The following DLG2 variants were observed in gnomAD, a reference collection of about 807,000 sequenced individuals.
DLG2 encodes disks large homolog 2.
In DLG2, 45 loss-of-function variants were observed where a neutral mutation model predicts 132.5. The ratio of observed to expected loss-of-function variants is 0.34; its 90% CI spans 0.27 to 0.44. The LOEUF (loss-of-function observed/expected upper bound fraction) is 0.44, where lower values mean the gene tolerates loss of function less well. Among genes scored for constraint, DLG2 ranks in the 20% least tolerant of loss-of-function variants. The probability of loss-of-function intolerance (pLI) is 1.00; values close to 1 mark genes in which losing one functional copy is unlikely to be tolerated. For missense variants in DLG2, 1,045 were observed against 1,196.9 expected (o/e 0.87, Z 1.87); for synonymous variants, 424 against 419.6 (o/e 1.01, Z -0.13).
Position 83,665,786 on chromosome 11 carries a change from T to A in DLG2, c.1826-32461A>T, listed in dbSNP as rs984707967. Among the ~76,000 whole-genome samples, 5 of 152,256 alleles carry A rather than the reference T, an allele frequency of 3.3e-5. No individual in the cohort carries two copies. In the East Asian group the frequency reaches 9.6e-4, roughly 29 times the overall value. ...TAATTTCTACTACCACTTTGGAGAT[T>A]CTTGAGATTTTTTTTTTTAGAGAAC... On this transcript the variant is annotated intron_variant, in intron 18 of 27. Coordinates refer to ENST00000376104, the MANE Select transcript of DLG2 (RefSeq NM_001142699.3).
At chr11:84,180,920 A>C (rs1485006419) in intron 8 of DLG2, among the ~76,000 whole-genome samples, 21 of 152,114 alleles carry the variant, frequency 1.4e-4, no homozygotes, top group Admixed American at 1.4e-3. Context: ...TATTGCAGTA[A>C]GTACTTCGGA....
intron 6 of DLG2, among the ~76,000 whole-genome samples, chr11:84,675,278 A>G (rs1192638348): frequency 1.3e-5 from 2 of 151,998 alleles, no homozygotes; most frequent in Non-Finnish European, 2.9e-5. Context: ...TCAGATAAAA[A>G]CCTAAAATAA....
chr11:84,447,360 C>A (rs1458210550), intron 7 of DLG2, among the ~76,000 whole-genome samples: 1 of 151,996 alleles, frequency 6.6e-6, no homozygotes, highest in Non-Finnish European at 1.5e-5. Context: ...TTAAGGAAGA[C>A]AAAATCACAA....
chr11:84,409,553 A>T (rs747616484), intron 7 of DLG2, among the ~76,000 whole-genome samples: 58 of 152,250 alleles, frequency 3.8e-4, no homozygotes, highest in Non-Finnish European at 7.6e-4. Context: ...ACCACACTTA[A>T]TACTTACAAC....
intron 4 of DLG2, among the ~76,000 whole-genome samples, chr11:85,213,133 A>G (rs1220568587): frequency 6.6e-6 from 1 of 152,182 alleles, no homozygotes; most frequent in Non-Finnish European, 1.5e-5. Context: ...ATTTGCCATA[A>G]TGATTCCAAA....
At chr11:84,613,574 C>G (rs2099599079) in intron 6 of DLG2, among the ~76,000 whole-genome samples, 1 of 152,098 alleles carries the variant, frequency 6.6e-6, no homozygotes, top group Non-Finnish European at 1.5e-5. Context: ...TCATGGTGCC[C>G]TGCACATAGT....
chr11:85,155,092 A>T (rs1407853032), intron 4 of DLG2, among the ~76,000 whole-genome samples: 2 of 152,216 alleles, frequency 1.3e-5, no homozygotes. Context: ...TTTTATAACT[A>T]CAGCTTTAGA....
chr11:83,758,230 C>A (rs1463187906), intron 18 of DLG2, among the ~76,000 whole-genome samples: 2 of 152,094 alleles, frequency 1.3e-5, no homozygotes, highest in African/African-American at 4.8e-5. Context: ...TGGTTAGTCT[C>A]CCATTCATTT....
chr11:84,124,681 G>A (rs1270544807), intron 9 of DLG2, among the ~76,000 whole-genome samples: 1 of 151,862 alleles, frequency 6.6e-6, no homozygotes, highest in Non-Finnish European at 1.5e-5. Context: ...CCATAATCAG[G>A]GACCTCTTTG....
chr11:84,515,999 A>G (rs2099271632), intron 7 of DLG2, among the ~76,000 whole-genome samples: 1 of 151,894 alleles, frequency 6.6e-6, no homozygotes, highest in South Asian at 2.1e-4. Context: ...TGAGTTAATT[A>G]AAAAATTAAA....
At chr11:85,403,768 G>A (rs2088441604) in intron 3 of DLG2, among the ~76,000 whole-genome samples, 1 of 151,972 alleles carries the variant, frequency 6.6e-6, no homozygotes, top group Non-Finnish European at 1.5e-5. Flanking sequence ...TGGTAGATAT[G>A]TGAAAGACAG....
chr11:84,779,901 AG>A (rs1457315399), intron 6 of DLG2, among the ~76,000 whole-genome samples: 1 of 151,582 alleles, frequency 6.6e-6, no homozygotes, highest in Non-Finnish European at 1.5e-5. Context: ...CAAAAAAAAA[AG>A]CCCAGGACCA....
At chr11:84,337,899 G>A (rs912783047) in intron 7 of DLG2, among the ~76,000 whole-genome samples, 1 of 152,164 alleles carries the variant, frequency 6.6e-6, no homozygotes, top group African/African-American at 2.4e-5. Flanking sequence ...CAGTGACTAT[G>A]GATTTCACTG....
At chr11:83,470,560 C>T (rs1451993505) in intron 24 of DLG2, among the ~76,000 whole-genome samples, 3 of 152,144 alleles carry the variant, frequency 2.0e-5, no homozygotes, top group Non-Finnish European at 2.9e-5. Flanking sequence ...TTCTTTCTCT[C>T]AAAAGTGGAG....
At chr11:85,431,358 A>G (rs1218449980) in intron 3 of DLG2, among the ~76,000 whole-genome samples, 1 of 152,168 alleles carries the variant, frequency 6.6e-6, no homozygotes, top group African/African-American at 2.4e-5. Flanking sequence ...GTGAGTGAGC[A>G]TGCTACCCAG....
intron 17 of DLG2, among the ~76,000 whole-genome samples, chr11:83,820,246 A>C (rs923905352): frequency 6.6e-6 from 1 of 152,138 alleles, no homozygotes; most frequent in African/African-American, 2.4e-5. Flanking sequence ...AACTGAAAAA[A>C]AGTATAAGAA....
intron 19 of DLG2, among the ~76,000 whole-genome samples, chr11:83,591,843 C>A (rs1197189513): frequency 2.4e-4 from 36 of 149,356 alleles, no homozygotes; most frequent in Admixed American, 1.7e-3. Context: ...TCTTATACAC[C>A]AATAACAGAC....
chr11:85,622,014 G>T (rs184636526), intron 2 of DLG2, among the ~76,000 whole-genome samples: 1 of 152,228 alleles, frequency 6.6e-6, no homozygotes, highest in Admixed American at 6.5e-5. Flanking sequence ...TTAACAAATT[G>T]CCTTAGACAT....
chr11:84,849,503 C>CT (rs949946369), intron 6 of DLG2, among the ~76,000 whole-genome samples: 15 of 151,278 alleles, frequency 9.9e-5, no homozygotes, highest in South Asian at 2.1e-4. Context: ...ATATTATCTC[C>CT]TTTTTTTTTC....
Sources: gnomAD v4.1 joint callset for allele counts (sites outside exome capture counted in the v4.1 genomes callset) on GRCh38, gnomAD v4.1.1 for gene constraint, MANE v1.5 for transcripts, NCBI Gene and HGNC (gene_info 2026-07-23, HGNC 2026-07-21) for gene names.